Variants in CSMD1 observed in about 807,000 individuals in gnomAD.
CSMD1 encodes the protein CUB and sushi domain-containing protein 1.
A neutral mutation model predicts 417.5 loss-of-function variants in CSMD1; 213 were observed. The ratio of observed to expected loss-of-function variants is 0.51; its 90% CI spans 0.46 to 0.57. The LOEUF is 0.57. CSMD1 is among the 20% of genes least tolerant of loss of function. The pLI is 0.00. For synonymous variants in CSMD1, 2,862 were observed against 1,736.8 expected, an observed-to-expected ratio of 1.65 and a Z score of -16.11; for missense variants, 6,923 against 4,529.7, an observed-to-expected ratio of 1.53 and a Z score of -15.17.
At chr8:3,390,548 C>T (rs1479493953) in intron 17 of CSMD1, among the ~76,000 whole-genome samples, 1 of 151,840 alleles carries the variant, frequency 6.6e-6, no homozygotes, top group Non-Finnish European at 1.5e-5. Flanking sequence ...AAATACAGAC[C>T]ACCGGACTTT....
At chr8:4,840,622 T>C (rs540529249) in intron 1 of CSMD1, among the ~76,000 whole-genome samples, 1 of 152,182 alleles carries the variant, frequency 6.6e-6, no homozygotes, top group Non-Finnish European at 1.5e-5. Flanking sequence ...AGAATTACAT[T>C]ACCGAATGAG....
At chr8:4,498,234 A>C (rs560757556) in intron 2 of CSMD1, among the ~76,000 whole-genome samples, 4 of 152,296 alleles carry the variant, frequency 2.6e-5, no homozygotes, top group East Asian at 1.9e-4. Flanking sequence ...TGGCTGACTC[A>C]ACTCTTGCTT....
At chr8:3,974,522 T>G (rs532857282) in intron 5 of CSMD1, among the ~76,000 whole-genome samples, 1 of 152,058 alleles carries the variant, frequency 6.6e-6, no homozygotes, top group Non-Finnish European at 1.5e-5. Flanking sequence ...AAATCTTTCA[T>G]AGTAGTTGTT....
intron 69 of CSMD1, among the ~76,000 whole-genome samples, 154 bp downstream of exon 69, chr8:2,942,318 C>T (rs1414603443): frequency 6.6e-6 from 1 of 151,304 alleles, no homozygotes; most frequent in Non-Finnish European, 1.5e-5. Flanking sequence ...ACGTGTACCC[C>T]GGAACTCAAA....
intron 6 of CSMD1, among the ~76,000 whole-genome samples, chr8:3,720,655 A>ACACACACACACACC (rs1435579676): frequency 8.7e-5 from 13 of 148,936 alleles, no homozygotes; most frequent in African/African-American, 2.7e-4. Flanking sequence ...ACACACACAC[A>ACACACACACACACC]CCAGCACATT....
chr8:4,146,062 T>C (rs11779175), intron 3 of CSMD1, among the ~76,000 whole-genome samples: 93,706 of 150,384 alleles, frequency 0.62, 31,792 homozygotes, highest in Middle Eastern at 0.73. Flanking sequence ...TTGCAGACAC[T>C]TGAGGGAGGC....
intron 1 of CSMD1, among the ~76,000 whole-genome samples, chr8:4,784,027 A>C (rs1206144683): frequency 6.6e-6 from 1 of 152,212 alleles, no homozygotes. Context: ...TGGATAAAAA[A>C]AGTGTATTTG....
At chr8:4,702,036 C>G (rs1314927375) in intron 1 of CSMD1, among the ~76,000 whole-genome samples, 1 of 152,124 alleles carries the variant, frequency 6.6e-6, no homozygotes, top group Non-Finnish European at 1.5e-5. Context: ...CATCTTCTCA[C>G]TTATAAGTGG....
At position 3,142,579 on chromosome 8, in the gene CSMD1, G is replaced by C; in HGVS notation, c.6127C>G (p.Gln2043Glu). Residue 2043 changes from glutamine (Q) to glutamate (E), a missense_variant, in exon 41 of 70, where the codon CAA (glutamine) becomes GAA (glutamate). Transcript: ENST00000635120. ...GPYHTSPMIG[Q>E]FSGTDLPAAL... is the part of the protein sequence containing the mutation. ...GCGGGGAGATCCGTGCCGCTAAATT[G>C]TCCAATCATGGGGCTGGTGTGGTAA... The C allele has an allele frequency of 6.2e-7, 1 of 1,613,974 alleles. No individual in the cohort carries two copies. The highest frequency in any genetic ancestry group is 8.5e-7 in the Non-Finnish European group (1 of 1,179,870).
intron 1 of CSMD1, among the ~76,000 whole-genome samples, chr8:4,875,722 C>A (rs1803002944): frequency 6.6e-6 from 1 of 152,074 alleles, no homozygotes; most frequent in African/African-American, 2.4e-5. Flanking sequence ...TAAATACTAA[C>A]AAATATGTAT....
chr8:3,561,809 G>C (rs1799477562), intron 10 of CSMD1, among the ~76,000 whole-genome samples: 1 of 151,020 alleles, frequency 6.6e-6, no homozygotes, highest in Non-Finnish European at 1.5e-5. Context: ...AGAAAAAAAA[G>C]TAGTATCTAT....
intron 1 of CSMD1, among the ~76,000 whole-genome samples, chr8:4,845,546 G>A (rs140708823): frequency 6.6e-6 from 1 of 152,186 alleles, no homozygotes; most frequent in Admixed American, 6.5e-5. Flanking sequence ...GTTGAACTTT[G>A]GCCTACGTGG....
At chr8:4,874,621 C>T (rs1010765327) in intron 1 of CSMD1, among the ~76,000 whole-genome samples, 2 of 151,700 alleles carry the variant, frequency 1.3e-5, no homozygotes, top group East Asian at 1.9e-4. Context: ...GAACTCCTGA[C>T]CTCAGGTGAT....
intron 2 of CSMD1, among the ~76,000 whole-genome samples, chr8:4,460,380 A>T (rs1426218330): frequency 6.6e-6 from 1 of 152,190 alleles, no homozygotes; most frequent in Non-Finnish European, 1.5e-5. Flanking sequence ...ATATTTAAAA[A>T]GAAAAAATCT....
chr8:3,707,499 G>A (rs1385762041), intron 7 of CSMD1, among the ~76,000 whole-genome samples: 1 of 152,220 alleles, frequency 6.6e-6, no homozygotes, highest in Non-Finnish European at 1.5e-5. Context: ...CCTAGAAGAA[G>A]CGTGAGCAGA....
rs146566677 is a variant in CSMD1, at chr8:3,652,377, G to A, written c.1010-35580C>T. Among the ~76,000 whole-genome samples, 69 of 152,296 alleles carry A rather than the reference G, an allele frequency of 4.5e-4. No homozygotes were observed. The East Asian group carries it at 0.01, about 23-fold the overall frequency. On this transcript the variant is annotated intron_variant, in intron 7 of 69. Transcript: ENST00000635120. ...TCAGCATGCTTACCACCATCAGAGC[G>A]CTTAGCACCATCACAAATACGTTGA...
At chr8:4,131,061 T>A (rs181866877) in intron 3 of CSMD1, among the ~76,000 whole-genome samples, 1 of 152,198 alleles carries the variant, frequency 6.6e-6, no homozygotes, top group Non-Finnish European at 1.5e-5. Context: ...CTAATCCTTT[T>A]TAGAAATGCC....
At chr8:4,957,561 T>C (rs1218598599) in intron 1 of CSMD1, among the ~76,000 whole-genome samples, 1 of 152,174 alleles carries the variant, frequency 6.6e-6, no homozygotes, top group Non-Finnish European at 1.5e-5. Context: ...GATATCAGTG[T>C]CTTTGTAGAC....
intron 3 of CSMD1, among the ~76,000 whole-genome samples, chr8:4,168,347 G>C (rs1354560440): frequency 1.3e-5 from 2 of 151,908 alleles, no homozygotes; most frequent in Non-Finnish European, 2.9e-5. Context: ...AGTGATCCTT[G>C]ATTGCGCCAC....
Sources: allele counts gnomAD v4.1 joint callset (sites outside exome capture counted in the v4.1 genomes callset), GRCh38; gene constraint gnomAD v4.1.1; transcripts MANE v1.5; gene names NCBI Gene and HGNC (gene_info 2026-07-23, HGNC 2026-07-21).